The following UST variants were observed in gnomAD, a reference collection of about 807,000 sequenced individuals.
UST encodes chondroitin sulfate 2-O-sulfotransferase.
Under a neutral mutation model 45.6 loss-of-function variants are expected in UST, and 21 were observed. That is an observed-to-expected ratio of 0.46 (90% CI 0.33 to 0.66). UST has a LOEUF of 0.66. Among genes scored for constraint, UST ranks in the 30% least tolerant of loss-of-function variants. The pLI is 0.02. For synonymous variants in UST, 215 were observed against 200.6 expected, an observed-to-expected ratio of 1.07 and a Z score of -0.61; for missense variants, 463 against 512.4, an observed-to-expected ratio of 0.90 and a Z score of 0.93.
At chr6:149,010,029 C>G (rs906852905) in intron 5 of UST, among the ~76,000 whole-genome samples, 1 of 150,166 alleles carries the variant, frequency 6.7e-6, no homozygotes, top group African/African-American at 2.5e-5. Context: ...AAAAAAAAAA[C>G]TAGGGTTGTA....
chr6:148,878,066 C>CG (rs1778731433), intron 1 of UST, among the ~76,000 whole-genome samples: 1 of 64,864 alleles, frequency 1.5e-5, no homozygotes, highest in Non-Finnish European at 2.8e-5. Context: ...TGTATGAGTG[C>CG]GGGTATCGTG....
chr6:149,052,671 G>T (rs754569823), intron 7 of UST, among the ~76,000 whole-genome samples: 9 of 152,180 alleles, frequency 5.9e-5, no homozygotes, highest in Admixed American at 3.9e-4. Context: ...AGCTAGAAAA[G>T]TAGGATTCTA....
At chr6:148,920,002 T>G (rs542329569) in intron 2 of UST, among the ~76,000 whole-genome samples, 3 of 152,326 alleles carry the variant, frequency 2.0e-5, no homozygotes, top group Non-Finnish European at 2.9e-5. Context: ...TTCAAAATCA[T>G]AAGAGGTTCA....
intron 3 of UST, among the ~76,000 whole-genome samples, chr6:148,949,601 T>C (rs1479820484): frequency 6.6e-6 from 1 of 152,104 alleles, no homozygotes; most frequent in Non-Finnish European, 1.5e-5. Context: ...CATATGGGTC[T>C]GTCTCAGAAA....
chr6:148,964,281 T>C lies in UST; in HGVS notation c.528-129T>C. The C allele has an allele frequency of 2.7e-6, 3 of 1,107,792 alleles. No individual in the cohort carries two copies. The South Asian group carries it at 4.7e-5, about 17-fold the overall frequency. 68.6% of individuals were successfully genotyped at this position (1,107,792 alleles called of 1,614,324 possible). On this transcript the variant is annotated intron_variant, in intron 4 of 7. Coordinates refer to ENST00000367463, the MANE Select transcript of UST (RefSeq NM_005715.3). ...GGAAACACCGTTTGCTTATTACGTG[T>C]CATTGGCACCTTAGCATAGGAGGTC...
intron 7 of UST, among the ~76,000 whole-genome samples, chr6:149,027,432 G>T (rs1776065581): frequency 6.6e-6 from 1 of 152,190 alleles, no homozygotes; most frequent in South Asian, 2.1e-4. Flanking sequence ...TTTTCAAGTG[G>T]ATGGTCTTTA....
chr6:149,065,330 G>GA (rs1776716634), intron 7 of UST, among the ~76,000 whole-genome samples: 1 of 152,200 alleles, frequency 6.6e-6, no homozygotes, highest in South Asian at 2.1e-4. Context: ...TGTTTGGATG[G>GA]AAAGTCTGGC....
chr6:148,887,890 A>G (rs1016390371), intron 2 of UST, among the ~76,000 whole-genome samples: 6 of 152,162 alleles, frequency 3.9e-5, no homozygotes, highest in African/African-American at 1.4e-4. Context: ...CTCTCCCTGT[A>G]CTTGGTTGTT....
chr6:148,986,563 C>T lies in UST; in HGVS notation c.681+22000C>T, dbSNP rs549758553. Reference sequence around the variant, plus strand: ...AAATCTGCATATGCTACACATCAGTCCTTTGTTTGTTTGCTTGTTTCTGAA... The same window carrying T: ...AAATCTGCATATGCTACACATCAGTTCTTTGTTTGTTTGCTTGTTTCTGAA... On this transcript the variant is annotated intron_variant, in intron 5 of 7. Coordinates refer to ENST00000367463, the MANE Select transcript of UST (RefSeq NM_005715.3). 1.3e-4 allele frequency among the ~76,000 whole-genome samples: 20 copies of T among 152,308 alleles called. 1 individual carries two copies. The South Asian group carries it at 4.1e-3, about 32-fold the overall frequency.
intron 2 of UST, among the ~76,000 whole-genome samples, chr6:148,933,624 T>C (rs1030479284): frequency 6.6e-6 from 1 of 152,148 alleles, no homozygotes; most frequent in African/African-American, 2.4e-5. Flanking sequence ...ATCGGTTCTG[T>C]GTATTTCCTC....
chr6:149,051,502 T>C (rs1000927261), intron 7 of UST, among the ~76,000 whole-genome samples: 2 of 152,262 alleles, frequency 1.3e-5, no homozygotes, highest in African/African-American at 4.8e-5. Flanking sequence ...TTGGGTCTTT[T>C]GACCCAAGAT....
intron 2 of UST, among the ~76,000 whole-genome samples, chr6:148,891,068 C>T (rs1218909562): frequency 2.6e-5 from 4 of 152,286 alleles, no homozygotes; most frequent in African/African-American, 9.6e-5. Flanking sequence ...GTTCCTTATA[C>T]TTTAATGCAT....
intron 1 of UST, among the ~76,000 whole-genome samples, chr6:148,870,804 G>C (rs1362278088): frequency 1.3e-5 from 2 of 152,118 alleles, no homozygotes; most frequent in Non-Finnish European, 2.9e-5. Flanking sequence ...CTGGAGTTCA[G>C]GGCCTCTGTT....
intron 5 of UST, among the ~76,000 whole-genome samples, chr6:149,004,454 A>C (rs1383547606): frequency 6.6e-6 from 1 of 152,102 alleles, no homozygotes; most frequent in East Asian, 1.9e-4. Flanking sequence ...CAGAACAGAG[A>C]GTGGTAGTGG....
chr6:149,074,301 G>C lies in UST; in HGVS notation c.*185G>C. 1.5e-6 allele frequency: 1 copy of C among 665,458 alleles called. No homozygotes were observed. Among genetic ancestry groups the C allele is most frequent in the East Asian group, 2.8e-5 (1 of 36,160 alleles). 41.2% of individuals were successfully genotyped at this position (665,458 alleles called of 1,614,324 possible). Reference sequence around the variant, plus strand: ...TTTTATTTGTTTAATTTTATTCTGTGTTTTCTCTTGGCTCTTTGGGTCTTT... The same window carrying C: ...TTTTATTTGTTTAATTTTATTCTGTCTTTTCTCTTGGCTCTTTGGGTCTTT... On this transcript the variant is annotated 3_prime_UTR_variant, in exon 8 of 8. Coordinates refer to ENST00000367463, the MANE Select transcript of UST (RefSeq NM_005715.3).
intron 4 of UST, among the ~76,000 whole-genome samples, 160 bp downstream of exon 4, chr6:148,954,111 C>T (rs1468764722): frequency 1.3e-5 from 2 of 152,142 alleles, no homozygotes; most frequent in Admixed American, 6.5e-5. Flanking sequence ...AATATTTGAA[C>T]AGAAACTTCA....
chr6:148,961,931 A>G (rs938576934), intron 4 of UST, among the ~76,000 whole-genome samples: 1 of 152,198 alleles, frequency 6.6e-6, no homozygotes, highest in Admixed American at 6.5e-5. Flanking sequence ...GACATGTGCT[A>G]TGCTCTGGTC....
At chr6:148,941,734 C>T (rs751485728) in intron 3 of UST, among the ~76,000 whole-genome samples, 12 of 152,222 alleles carry the variant, frequency 7.9e-5, no homozygotes, top group Admixed American at 2.6e-4. Context: ...GTCATACCAC[C>T]GAGCTATAAA....
intron 1 of UST, among the ~76,000 whole-genome samples, chr6:148,824,800 G>C (rs569840481): frequency 6.9e-6 from 1 of 144,708 alleles, no homozygotes; most frequent in Non-Finnish European, 1.5e-5. Flanking sequence ...TCTAGCATTA[G>C]GTATATCTCC....
Sources: gnomAD v4.1 joint callset for allele counts (sites outside exome capture counted in the v4.1 genomes callset) on GRCh38, gnomAD v4.1.1 for gene constraint, MANE v1.5 for transcripts, NCBI Gene and HGNC (gene_info 2026-07-23, HGNC 2026-07-21) for gene names.